Variants in MAGI2 observed in about 807,000 individuals in gnomAD.
MAGI2 encodes the protein membrane-associated guanylate kinase, WW and PDZ domain-containing protein 2.
Under a neutral mutation model 133.3 loss-of-function variants are expected in MAGI2, and 35 were observed. That is an observed-to-expected ratio of 0.26 (90% confidence interval 0.20 to 0.35). The LOEUF is 0.35. Ranked by LOEUF, MAGI2 falls within the 10% of genes least tolerant of loss-of-function variation. The probability of loss-of-function intolerance (pLI) is 1.00; values close to 1 mark genes in which losing one functional copy is unlikely to be tolerated. For missense variants in MAGI2, 1,636 were observed against 1,863.4 expected (o/e 0.88, Z 2.25); for synonymous variants, 729 against 710.6 (o/e 1.03, Z -0.41).
intron 7 of MAGI2, among the ~76,000 whole-genome samples, chr7:78,367,306 G>C (rs1793480365): frequency 6.6e-6 from 1 of 152,174 alleles, no homozygotes; most frequent in Non-Finnish European, 1.5e-5. Context: ...CTCTCTGTTA[G>C]ATGATTAGGA....
chr7:79,277,653 C>T (rs1835331647), intron 1 of MAGI2, among the ~76,000 whole-genome samples: 1 of 152,064 alleles, frequency 6.6e-6, no homozygotes, highest in South Asian at 2.1e-4. Flanking sequence ...TGGGCATTGA[C>T]CAAGAATGCA....
intron 6 of MAGI2, among the ~76,000 whole-genome samples, chr7:78,397,397 A>ACC (rs1491156250): frequency 1.4e-5 from 2 of 146,956 alleles, no homozygotes; most frequent in African/African-American, 5.0e-5. Flanking sequence ...ACACACACAC[A>ACC]CCCCTTGTCT....
rs1194449963 is a variant in MAGI2 at position 79,090,155 on chromosome 7, A to G, written c.302-82949T>C. 2.0e-5 allele frequency among the ~76,000 whole-genome samples: 3 copies of G among 152,144 alleles called. No individual in the cohort carries two copies. The East Asian group carries it at 5.8e-4, about 29-fold the overall frequency. On this transcript the variant is annotated intron_variant, in intron 1 of 21. Coordinates refer to ENST00000354212, the MANE Select transcript of MAGI2 (RefSeq NM_012301.4). Reference sequence around the variant, plus strand: ...TTATAGCTGATATTTTTCATGTTCAATCTATTCAGTATTTTGTCTATTATG... The same window carrying G: ...TTATAGCTGATATTTTTCATGTTCAGTCTATTCAGTATTTTGTCTATTATG...
chr7:79,007,342 C>G, intron 1 of MAGI2, 136 bp from the exon 2 acceptor site: 1 of 572,342 alleles, frequency 1.7e-6, no homozygotes. Flanking sequence ...TCTTCTCAAA[C>G]ATTTACTGCC....
chr7:79,308,291 G>A (rs142997081), intron 1 of MAGI2, among the ~76,000 whole-genome samples: 4 of 152,260 alleles, frequency 2.6e-5, no homozygotes, highest in Admixed American at 6.5e-5. Context: ...TTATGAAATA[G>A]ATTCTGCTCT....
At position 79,280,308 on chromosome 7, in the gene MAGI2, A is replaced by G. The variant is rs149636172; in HGVS notation, c.301+172712T>C. Among the ~76,000 whole-genome samples, 65 of 152,318 alleles carry G rather than the reference A, an allele frequency of 4.3e-4. No homozygotes were observed. The East Asian group carries it at 0.012, about 28-fold the overall frequency. ...GACAATGAGAGGGCAAAGCAAAGAT[A>G]ACAGTTGGAAAAAGGAAGTGTGTGA... is the stretch of plus-strand genomic sequence containing the variant. On this transcript the variant is annotated intron_variant, in intron 1 of 21. Transcript: ENST00000354212.
At chr7:79,372,501 A>T (rs1288116415) in intron 1 of MAGI2, among the ~76,000 whole-genome samples, 1 of 152,118 alleles carries the variant, frequency 6.6e-6, no homozygotes, top group Non-Finnish European at 1.5e-5. Context: ...GCTTCATGAT[A>T]ACAGGGATTT....
At chr7:78,481,377 T>C (rs1792353744) in intron 6 of MAGI2, among the ~76,000 whole-genome samples, 1 of 151,930 alleles carries the variant, frequency 6.6e-6, no homozygotes, top group Non-Finnish European at 1.5e-5. Context: ...GAGAATTAAC[T>C]ATCATGAGAA....
chr7:79,110,002 C>T (rs1044719555), intron 1 of MAGI2, among the ~76,000 whole-genome samples: 2 of 152,206 alleles, frequency 1.3e-5, no homozygotes, highest in Non-Finnish European at 2.9e-5. Flanking sequence ...GATCTGGCCC[C>T]AGTCTTGGCT....
chr7:78,695,660 T>TA (rs1191562437), intron 2 of MAGI2, among the ~76,000 whole-genome samples: 2 of 152,166 alleles, frequency 1.3e-5, no homozygotes, highest in African/African-American at 2.4e-5. Flanking sequence ...ACTTGGTATT[T>TA]AAAAAAGACA....
At position 79,392,759 on chromosome 7, in the gene MAGI2, C is replaced by A. The variant is rs937723227; in HGVS notation, c.301+60261G>T. On this transcript the variant is annotated intron_variant, in intron 1 of 21. Coordinates refer to ENST00000354212, the MANE Select transcript of MAGI2 (RefSeq NM_012301.4). ...TTTTAAGTGGTATTTTAAAACCAACCTTATGAGGGCCTAATTCTGATTTTC... is the reference window on the plus strand; with the variant it reads ...TTTTAAGTGGTATTTTAAAACCAACATTATGAGGGCCTAATTCTGATTTTC... Among the ~76,000 whole-genome samples the A allele has an allele frequency of 3.9e-5, 6 of 152,178 alleles. No homozygotes were observed. In the South Asian group the frequency reaches 1.0e-3, roughly 26 times the overall value.
At chr7:78,868,725 G>A (rs1467579783) in intron 2 of MAGI2, among the ~76,000 whole-genome samples, 2 of 150,234 alleles carry the variant, frequency 1.3e-5, no homozygotes, top group East Asian at 2.0e-4. Flanking sequence ...ACATTTTCCT[G>A]AACATTAAAT....
intron 7 of MAGI2, among the ~76,000 whole-genome samples, chr7:78,366,628 TG>T (rs1313626417): frequency 7.2e-6 from 1 of 139,798 alleles, no homozygotes; most frequent in African/African-American, 2.5e-5. Flanking sequence ...TTTGGGATGA[TG>T]GAAGATATCC....
chr7:78,176,871 T>C (rs1224570890), intron 14 of MAGI2, among the ~76,000 whole-genome samples: 3 of 147,272 alleles, frequency 2.0e-5, no homozygotes. Context: ...ATATATAATA[T>C]TTGTAGTACA....
At chr7:78,700,958 T>C (rs1818006001) in intron 2 of MAGI2, among the ~76,000 whole-genome samples, 1 of 63,788 alleles carries the variant, frequency 1.6e-5, no homozygotes, top group African/African-American at 4.9e-5. Context: ...CATTTACATA[T>C]AATTTAAATA....
chr7:78,376,969 C>T (rs1421250637), intron 6 of MAGI2, among the ~76,000 whole-genome samples: 1 of 152,130 alleles, frequency 6.6e-6, no homozygotes, highest in Non-Finnish European at 1.5e-5. Context: ...TGGGAAGCAA[C>T]TATATATGGA....
chr7:78,194,839 T>C (rs765449810), intron 12 of MAGI2, 35 bp downstream of exon 12: 7 of 1,511,882 alleles, frequency 4.6e-6, no homozygotes, highest in Non-Finnish European at 6.2e-6. Flanking sequence ...TCAGCTATTA[T>C]TAATGTACCC....
chr7:79,191,245 A>G (rs1827628085), intron 1 of MAGI2, among the ~76,000 whole-genome samples: 1 of 151,394 alleles, frequency 6.6e-6, no homozygotes, highest in Non-Finnish European at 1.5e-5. Flanking sequence ...GGTTGTGTTA[A>G]ATTTAGAGAA....
intron 9 of MAGI2, among the ~76,000 whole-genome samples, chr7:78,281,048 TTTTTTCTCTTCCTTTTCA>T (rs559283104): frequency 1.8e-3 from 271 of 152,096 alleles, no homozygotes; most frequent in Non-Finnish European, 3.2e-3. Flanking sequence ...CAGATATCAT[TTTTTTCTCTTCCTTTTCA>T]TTTTTCTAAT....
Sources: gnomAD v4.1 joint callset for allele counts (sites outside exome capture counted in the v4.1 genomes callset) on GRCh38, gnomAD v4.1.1 for gene constraint, MANE v1.5 for transcripts, NCBI Gene and HGNC (gene_info 2026-07-23, HGNC 2026-07-21) for gene names.